Variants in NOS1 observed in about 807,000 individuals in gnomAD.
NOS1 encodes the protein NOS type I.
Under a neutral mutation model 164.5 loss-of-function variants are expected in NOS1, and 51 were observed. The observed-to-expected ratio is 0.31, with a 90% CI of 0.25 to 0.39. The LOEUF is 0.39. Among genes scored for constraint, NOS1 ranks in the 10% least tolerant of loss-of-function variants. NOS1 has a pLI of 1.00. For missense variants in NOS1, 1,362 were observed against 1,885.6 expected, an observed-to-expected ratio of 0.72 and a Z score of 5.14; for synonymous variants, 719 against 745.8, an observed-to-expected ratio of 0.96 and a Z score of 0.59.
intron 3 of NOS1, among the ~76,000 whole-genome samples, chr12:117,302,458 G>A (rs1873881702): frequency 6.6e-6 from 1 of 151,992 alleles, no homozygotes; most frequent in Non-Finnish European, 1.5e-5. Context: ...GCCGGGTGAG[G>A]TGGCGGGCGC....
chr12:117,307,207 A>C, intron 3 of NOS1, among the ~76,000 whole-genome samples: 1 of 142,618 alleles, frequency 7.0e-6, no homozygotes, highest in Non-Finnish European at 1.5e-5. Flanking sequence ...ATTACTGCAG[A>C]CCGGGAATTA....
chr12:117,323,852 A>G (rs1875104274), intron 2 of NOS1, among the ~76,000 whole-genome samples: 1 of 151,566 alleles, frequency 6.6e-6, no homozygotes, highest in African/African-American at 2.4e-5. Flanking sequence ...GGCGATTTCA[A>G]CTCACTGCAA....
At chr12:117,287,322 A>G (rs1374063562) in intron 5 of NOS1, among the ~76,000 whole-genome samples, 2 of 151,722 alleles carry the variant, frequency 1.3e-5, no homozygotes, top group African/African-American at 2.4e-5. Flanking sequence ...ATGAACTTAA[A>G]TTCCATTAAC....
At chr12:117,256,013 A>G in intron 16 of NOS1, 2 of 1,456,578 alleles carry the variant, frequency 1.4e-6, no homozygotes, top group Middle Eastern at 1.8e-4. Context: ...CTTTACGGGG[A>G]AAGAAACGCA....
intron 1 of NOS1, among the ~76,000 whole-genome samples, chr12:117,335,308 G>A (rs563490789): frequency 2.2e-4 from 34 of 152,110 alleles, no homozygotes; most frequent in Admixed American, 2.0e-3. Flanking sequence ...AGGGAGAGAC[G>A]GCTGCTGGAT....
chr12:117,360,399 A>C (rs1186038333), intron 1 of NOS1, among the ~76,000 whole-genome samples: 3 of 152,202 alleles, frequency 2.0e-5, no homozygotes, highest in Admixed American at 2.0e-4. Flanking sequence ...GGCCACCTGG[A>C]AGCAACCTCA....
chr12:117,337,625 C>T (rs1049534607), intron 1 of NOS1, among the ~76,000 whole-genome samples: 1 of 152,102 alleles, frequency 6.6e-6, no homozygotes, highest in Non-Finnish European at 1.5e-5. Flanking sequence ...AGAAAAATGA[C>T]AAAGAGGGTT....
intron 25 of NOS1, among the ~76,000 whole-genome samples, chr12:117,224,184 AT>A (rs1236100063): frequency 6.6e-6 from 1 of 152,140 alleles, no homozygotes; most frequent in Non-Finnish European, 1.5e-5. Flanking sequence ...TTTCATTTCT[AT>A]TTTAGTTGCT....
chr12:117,263,860 A>G, intron 13 of NOS1, 29 bp downstream of exon 13: 4 of 1,570,404 alleles, frequency 2.5e-6, no homozygotes, highest in Non-Finnish European at 3.5e-6. Flanking sequence ...GGGGACATCC[A>G]CCCCACCCGC....
chr12:117,334,407 T>A (rs1363022547), intron 1 of NOS1, among the ~76,000 whole-genome samples: 1 of 150,304 alleles, frequency 6.7e-6, no homozygotes, highest in Non-Finnish European at 1.5e-5. Flanking sequence ...ATTAGCTTCT[T>A]TTTTTTTTAG....
intron 9 of NOS1, among the ~76,000 whole-genome samples, chr12:117,277,719 T>A (rs147631663): frequency 1.3e-5 from 2 of 152,236 alleles, no homozygotes; most frequent in African/African-American, 4.8e-5. Context: ...TCCTTGTTAA[T>A]GGCTTAGGAG....
chr12:117,286,049 C>T, intron 6 of NOS1, 55 bp downstream of exon 6: 1 of 1,589,444 alleles, frequency 6.3e-7, no homozygotes, highest in Non-Finnish European at 8.6e-7. Context: ...ATCCACTCCC[C>T]TTCCCCTCTT....
chr12:117,280,979 C>T (rs902318293), intron 7 of NOS1, 113 bp from the exon 8 acceptor site: 2 of 1,255,330 alleles, frequency 1.6e-6, no homozygotes, highest in Non-Finnish European at 1.1e-6. Context: ...GGTAGATTAC[C>T]TCCGTGCCAA....
chr12:117,298,217 T>C (rs764388682), intron 3 of NOS1, among the ~76,000 whole-genome samples: 14 of 151,798 alleles, frequency 9.2e-5, no homozygotes, highest in Non-Finnish European at 1.9e-4. Flanking sequence ...CATCAGGCAT[T>C]AGATTCTCAT....
At chr12:117,335,729 T>TAGAGAGA (rs1555261699) in intron 1 of NOS1, among the ~76,000 whole-genome samples, 1 of 112,540 alleles carries the variant, frequency 8.9e-6, no homozygotes, top group Non-Finnish European at 1.8e-5. Flanking sequence ...ACAGACTATA[T>TAGAGAGA]GAGAGAGAGA....
chr12:117,264,265 T>C (rs2135985278), intron 12 of NOS1, among the ~76,000 whole-genome samples: 1 of 152,082 alleles, frequency 6.6e-6, no homozygotes, highest in East Asian at 1.9e-4. Flanking sequence ...CTCACTCTCA[T>C]TTCATCCCTC....
At position 117,359,857 on chromosome 12, in the gene NOS1, G is replaced by C. The variant is rs114735613; in HGVS notation, c.-421+1655C>G. Among the ~76,000 whole-genome samples, 911 of 118,614 alleles carry C rather than the reference G, an allele frequency of 7.7e-3. 20 individuals carry two copies. Among genetic ancestry groups the C allele is most frequent in the African/African-American group, 0.026 (839 of 31,918 alleles). 77.8% of individuals were successfully genotyped at this position (118,614 alleles called of 152,430 possible). ...TGCGAGTCTCCCAGATCCGGTCCCA[G>C]AGCATTACAATAATGGTTTTATATA... On this transcript the variant is annotated intron_variant, in intron 1 of 28. Coordinates refer to ENST00000317775, the MANE Select transcript of NOS1 (RefSeq NM_000620.5).
intron 2 of NOS1, among the ~76,000 whole-genome samples, chr12:117,322,162 T>C: frequency 8.7e-6 from 1 of 114,916 alleles, no homozygotes; most frequent in Non-Finnish European, 1.8e-5. Context: ...CCCTCCCTCC[T>C]TCCTTCTTTT....
chr12:117,281,393 G>A (rs576065395), intron 7 of NOS1, among the ~76,000 whole-genome samples: 7 of 151,958 alleles, frequency 4.6e-5, no homozygotes, highest in Admixed American at 1.3e-4. Flanking sequence ...GGTGGCGCAC[G>A]CCTGTAATCC....
Sources: gnomAD v4.1 joint callset for allele counts (sites outside exome capture counted in the v4.1 genomes callset) on GRCh38, gnomAD v4.1.1 for gene constraint, MANE v1.5 for transcripts, NCBI Gene and HGNC (gene_info 2026-07-23, HGNC 2026-07-21) for gene names.